The following VWA8 variants were observed in gnomAD, a reference collection of about 807,000 sequenced individuals.
The protein encoded by VWA8 is von Willebrand factor A domain-containing protein 8.
Under a neutral mutation model 241.5 loss-of-function variants are expected in VWA8, and 221 were observed. That is an observed-to-expected ratio of 0.91 (90% confidence interval 0.82 to 1.02). The LOEUF (loss-of-function observed/expected upper bound fraction) is 1.02. VWA8 is among the 50% of genes least tolerant of loss of function. The pLI, the probability that VWA8 is intolerant of heterozygous loss-of-function variation, is 0.00. For synonymous variants in VWA8, 852 were observed against 827.1 expected, an observed-to-expected ratio of 1.03 and a Z score of -0.52; for missense variants, 2,322 against 2,328.7, an observed-to-expected ratio of 1.00 and a Z score of 0.06.
chr13:41,709,407 G>A (rs2045302584), intron 26 of VWA8, among the ~76,000 whole-genome samples: 2 of 152,020 alleles, frequency 1.3e-5, no homozygotes, highest in African/African-American at 4.8e-5. Context: ...CTGCCTTTAG[G>A]TTCACCGCCT....
At chr13:41,722,092 C>A (rs2045397333) in intron 24 of VWA8, among the ~76,000 whole-genome samples, 3 of 152,064 alleles carry the variant, frequency 2.0e-5, no homozygotes, top group Admixed American at 2.0e-4. Flanking sequence ...AAATTATATA[C>A]ATCTATCTCA....
Position 41,568,146 on chromosome 13 carries a change from T to C in VWA8, c.*51A>G. The C allele has an allele frequency of 6.8e-7, 1 of 1,467,062 alleles. No homozygotes were observed. Among genetic ancestry groups the C allele is most frequent in the South Asian group, 1.1e-5 (1 of 87,138 alleles). The allele number at this position is 1,467,062 out of a possible 1,614,324, so 90.9% of individuals were successfully genotyped here. A position where few individuals can be genotyped will look rare whatever the true frequency, so the allele number is the denominator to read the frequency against. ...CTTCTTTTTTTCAGAATACTCTTTA[T>C]TCCTGTCTTATTTCAAATCCTGGTG... is the stretch of plus-strand genomic sequence containing the variant. On this transcript the variant is annotated 3_prime_UTR_variant, in exon 45 of 45. Coordinates refer to ENST00000379310, the MANE Select transcript of VWA8 (RefSeq NM_015058.2).
Position 41,752,055 on chromosome 13 carries a change from C to G in VWA8, c.2426+9073G>C, listed in dbSNP as rs115400876. On this transcript the variant is annotated intron_variant, in intron 21 of 44. Coordinates refer to ENST00000379310, the MANE Select transcript of VWA8 (RefSeq NM_015058.2). The stretch of plus-strand genomic sequence containing the variant: ...TTACTGTTAACTTCTCTTTTCCCCC[C>G]ACCCTCCACATAGTTATAAAGGCTA... Among the ~76,000 whole-genome samples the G allele has an allele frequency of 2.6e-5, 4 of 152,246 alleles. No individual in the cohort carries two copies. In the East Asian group the frequency reaches 7.7e-4, roughly 29 times the overall value.
At chr13:41,771,423 T>TA (rs949759056) in intron 20 of VWA8, among the ~76,000 whole-genome samples, 1 of 151,662 alleles carries the variant, frequency 6.6e-6, no homozygotes, top group Non-Finnish European at 1.5e-5. Context: ...TCGCCCAGCC[T>TA]AAAAAATAAT....
At chr13:41,676,901 G>A (rs1290237790) in intron 35 of VWA8, among the ~76,000 whole-genome samples, 1 of 152,100 alleles carries the variant, frequency 6.6e-6, no homozygotes, top group African/African-American at 2.4e-5. Context: ...CCAAAGTGCA[G>A]GGATTACAGG....
intron 21 of VWA8, among the ~76,000 whole-genome samples, chr13:41,740,632 G>C (rs898595829): frequency 6.6e-6 from 1 of 152,178 alleles, no homozygotes; most frequent in African/African-American, 2.4e-5. Context: ...CCTCCAGAAT[G>C]ATGCCAAGAA....
At chr13:41,572,098 G>T (rs1483468761) in intron 43 of VWA8, among the ~76,000 whole-genome samples, 2 of 150,910 alleles carry the variant, frequency 1.3e-5, no homozygotes, top group African/African-American at 4.9e-5. Flanking sequence ...GCAGTGAGGA[G>T]CCCCTCCGCC....
chr13:41,681,870 G>A (rs987216737), intron 35 of VWA8, among the ~76,000 whole-genome samples: 2 of 152,130 alleles, frequency 1.3e-5, no homozygotes, highest in African/African-American at 4.8e-5. Context: ...GGGGGTTGGG[G>A]GGAAGGGGTG....
At chr13:41,861,252 C>A (rs995961033) in intron 12 of VWA8, among the ~76,000 whole-genome samples, 4 of 151,852 alleles carry the variant, frequency 2.6e-5, no homozygotes, top group Non-Finnish European at 5.9e-5. Flanking sequence ...ATTCTATACC[C>A]AGAATACATT....
intron 4 of VWA8, among the ~76,000 whole-genome samples, chr13:41,895,711 G>A (rs566222744): frequency 5.9e-5 from 9 of 151,990 alleles, no homozygotes; most frequent in Non-Finnish European, 1.2e-4. Flanking sequence ...CCCACTAATT[G>A]TGCTATTATC....
chr13:41,685,578 T>G (rs1050246152), intron 34 of VWA8, among the ~76,000 whole-genome samples: 1 of 152,088 alleles, frequency 6.6e-6, no homozygotes, highest in East Asian at 1.9e-4. Flanking sequence ...AAACAAAAAA[T>G]AAATAAAGTC....
At chr13:41,571,310 C>CTCCTGT (rs1246060181) in intron 43 of VWA8, among the ~76,000 whole-genome samples, 1 of 107,500 alleles carries the variant, frequency 9.3e-6, no homozygotes, top group African/African-American at 3.8e-5. Flanking sequence ...CCCTCTCCCT[C>CTCCTGT]CTCCCTCTCC....
At chr13:41,838,886 C>T (rs1257244101) in intron 12 of VWA8, among the ~76,000 whole-genome samples, 1 of 152,098 alleles carries the variant, frequency 6.6e-6, no homozygotes, top group East Asian at 1.9e-4. Flanking sequence ...TTTCTTTATC[C>T]AGTCTATCAT....
intron 12 of VWA8, among the ~76,000 whole-genome samples, chr13:41,863,978 T>A (rs1364402413): frequency 6.6e-6 from 1 of 151,722 alleles, no homozygotes; most frequent in African/African-American, 2.4e-5. Context: ...AAAAAATAAA[T>A]AAGACAGACA....
intron 2 of VWA8, among the ~76,000 whole-genome samples, chr13:41,931,030 T>C (rs903670857): frequency 1.3e-5 from 2 of 151,292 alleles, no homozygotes; most frequent in South Asian, 2.1e-4. Context: ...ACGCCTGTAG[T>C]CCCAGCTACT....
intron 26 of VWA8, among the ~76,000 whole-genome samples, chr13:41,711,855 C>A (rs1225025581): frequency 6.6e-6 from 1 of 150,628 alleles, no homozygotes; most frequent in East Asian, 1.9e-4. Context: ...GCCTGGGCGA[C>A]AGAGCGAGAC....
chr13:41,656,394 G>A (rs12857670), intron 37 of VWA8, among the ~76,000 whole-genome samples: 5,480 of 152,066 alleles, frequency 0.036, 119 homozygotes, highest in South Asian at 0.077. Flanking sequence ...CAAACATCCC[G>A]AAGAAAAAAA....
In VWA8 at chr13:41,865,830, T is replaced by A. The variant is rs887366017; in HGVS notation, c.1348-17A>T. ...TCCACAACCCTACAAATGGAAAAAA[T>A]TATTCAAGAGGTAAGTCAAAATAAC... On this transcript the variant is annotated splice_polypyrimidine_tract_variant and intron_variant, in intron 11 of 44. Coordinates refer to ENST00000379310, the MANE Select transcript of VWA8 (RefSeq NM_015058.2). 5 of 1,614,018 alleles carry A rather than the reference T, an allele frequency of 3.1e-6. No individual in the cohort carries two copies. The highest frequency in any genetic ancestry group is 4.2e-6 in the Non-Finnish European group (5 of 1,180,022).
At chr13:41,699,395 G>A (rs1345071059) in intron 28 of VWA8, 125 bp from the exon 29 acceptor site, 3 of 885,536 alleles carry the variant, frequency 3.4e-6, no homozygotes, top group South Asian at 3.2e-5. Context: ...CAGATGATTT[G>A]TATCATGGCT....
Sources: gnomAD v4.1 joint callset for allele counts (sites outside exome capture counted in the v4.1 genomes callset) on GRCh38, gnomAD v4.1.1 for gene constraint, MANE v1.5 for transcripts, NCBI Gene and HGNC (gene_info 2026-07-23, HGNC 2026-07-21) for gene names.